NAV1: variants seen among roughly 807,000 people sequenced by gnomAD.
NAV1 encodes neuron navigator 1.
In NAV1, 18 loss-of-function variants were observed where a neutral mutation model predicts 175.2. The ratio of observed to expected loss-of-function variants is 0.10; its 90% confidence interval spans 0.07 to 0.15. The LOEUF (loss-of-function observed/expected upper bound fraction) is 0.15, where lower values mean the gene tolerates loss of function less well. Among genes scored for constraint, NAV1 ranks in the 10% least tolerant of loss-of-function variants. The pLI is 1.00. For missense variants in NAV1, 1,731 were observed against 2,436.6 expected, an observed-to-expected ratio of 0.71 and a Z score of 6.10; for synonymous variants, 897 against 978.7, an observed-to-expected ratio of 0.92 and a Z score of 1.56.
chr1:201,823,392 G>GTC (rs1170967543), exon 30 of NAV1: 2 of 151,592 alleles, frequency 1.3e-5, no homozygotes, highest in Admixed American at 1.3e-4. Context: ...GTGTGTGTGT[G>GTC]TCTCCCTCTC....
At chr1:201,758,331 A>C (rs1297044389) in intron 3 of NAV1, among the ~76,000 whole-genome samples, 2 of 152,170 alleles carry the variant, frequency 1.3e-5, no homozygotes. Flanking sequence ...TTTGGTGGTG[A>C]TCATATTTAA....
At chr1:201,671,530 C>T (rs1670045669) in intron 1 of NAV1, among the ~76,000 whole-genome samples, 1 of 152,192 alleles carries the variant, frequency 6.6e-6, no homozygotes, top group South Asian at 2.1e-4. Flanking sequence ...CATTCTACCT[C>T]CTGGGGCCTC....
At chr1:201,686,877 G>A (rs1239336724) in intron 1 of NAV1, among the ~76,000 whole-genome samples, 1 of 152,346 alleles carries the variant, frequency 6.6e-6, no homozygotes, top group East Asian at 1.9e-4. Context: ...ATGACAGGAG[G>A]AGGCTCACTT....
chr1:201,638,268 C>A (rs534926882), intron 2 of NAV1, among the ~76,000 whole-genome samples: 361 of 152,286 alleles, frequency 2.4e-3, no homozygotes, highest in Non-Finnish European at 4.3e-3. Flanking sequence ...AAAAGTGGAC[C>A]AAGACCCCAG....
chr1:201,577,180 GTATTATA>G (rs1239861278), intron 1 of NAV1, among the ~76,000 whole-genome samples: 2 of 152,140 alleles, frequency 1.3e-5, no homozygotes, highest in Non-Finnish European at 2.9e-5. Flanking sequence ...TGCTCTTTCT[GTATTATA>G]AGTGCTGGTT....
At chr1:201,677,735 C>T (rs1363724326) in intron 1 of NAV1, among the ~76,000 whole-genome samples, 1 of 152,228 alleles carries the variant, frequency 6.6e-6, no homozygotes, top group Non-Finnish European at 1.5e-5. Flanking sequence ...ATGGGCGACA[C>T]TCCCACCTCA....
intron 1 of NAV1, among the ~76,000 whole-genome samples, chr1:201,555,922 C>T (rs548472290): frequency 2.0e-5 from 3 of 152,006 alleles, no homozygotes; most frequent in Middle Eastern, 3.4e-3. Context: ...TGAGGTCGGC[C>T]TATCTGGAAC....
chr1:201,779,716 G>A (rs1337116365), intron 3 of NAV1, among the ~76,000 whole-genome samples: 4 of 151,714 alleles, frequency 2.6e-5, no homozygotes, highest in Non-Finnish European at 5.9e-5. Context: ...TTTGGATACA[G>A]ATGTTTACAG....
intron 2 of NAV1, among the ~76,000 whole-genome samples, chr1:201,602,313 G>A (rs370647346): frequency 5.3e-5 from 8 of 152,168 alleles, no homozygotes; most frequent in Non-Finnish European, 8.8e-5. Flanking sequence ...GTTGCAATTC[G>A]GTTCTTCTCT....
chr1:201,627,974 A>G (rs537944997), intron 1 of NAV1, among the ~76,000 whole-genome samples: 2 of 151,738 alleles, frequency 1.3e-5, no homozygotes, highest in East Asian at 3.9e-4. Context: ...CCCCATCTCT[A>G]CAAAAAATAT....
At chr1:201,685,727 A>C (rs1330272467) in intron 1 of NAV1, among the ~76,000 whole-genome samples, 3 of 152,184 alleles carry the variant, frequency 2.0e-5, no homozygotes, top group Admixed American at 2.0e-4. Context: ...CAAGACTTGA[A>C]ATGACTTACA....
At chr1:201,674,231 G>A (rs942017424) in intron 1 of NAV1, 2 of 152,194 alleles carry the variant, frequency 1.3e-5, no homozygotes, top group African/African-American at 2.4e-5. Context: ...TGGCTGATGG[G>A]GACTTGGGTT....
At chr1:201,699,003 T>G (rs570486901) in intron 1 of NAV1, among the ~76,000 whole-genome samples, 1 of 152,298 alleles carries the variant, frequency 6.6e-6, no homozygotes, top group South Asian at 2.1e-4. Context: ...GGCAAACACT[T>G]TATAGAAGAA....
chr1:201,602,130 A>C (rs554084038), intron 2 of NAV1, among the ~76,000 whole-genome samples: 1 of 152,160 alleles, frequency 6.6e-6, no homozygotes, highest in East Asian at 1.9e-4. Context: ...AGAACATGCC[A>C]CCAGCATCAG....
chr1:201,635,756 A>C (rs1468386474), intron 2 of NAV1, among the ~76,000 whole-genome samples: 3 of 152,168 alleles, frequency 2.0e-5, no homozygotes, highest in Non-Finnish European at 4.4e-5. Context: ...GCAGATTTTT[A>C]GAGACTCCAC....
At chr1:201,744,831 G>A (rs761890678) in intron 3 of NAV1, among the ~76,000 whole-genome samples, 5 of 152,180 alleles carry the variant, frequency 3.3e-5, no homozygotes, top group Non-Finnish European at 5.9e-5. Context: ...CATCATCACT[G>A]TGCCTTCATC....
At chr1:201,573,752 A>G (rs1666614084) in intron 1 of NAV1, among the ~76,000 whole-genome samples, 1 of 152,192 alleles carries the variant, frequency 6.6e-6, no homozygotes, top group Non-Finnish European at 1.5e-5. Context: ...GTTTGGGGTC[A>G]TGGACCCTTT....
At chr1:201,648,656 C>T (rs1413892712) in exon 1 of NAV1, 3 of 1,385,042 alleles carry the variant, frequency 2.2e-6, no homozygotes, top group Non-Finnish European at 2.8e-6. Context: ...TCCATGCGCT[C>T]CTCGCGGGCA....
At chr1:201,770,074 T>C (rs576266820) in intron 3 of NAV1, among the ~76,000 whole-genome samples, 1 of 152,388 alleles carries the variant, frequency 6.6e-6, no homozygotes, top group Admixed American at 6.5e-5. Context: ...GCAGGCTCCC[T>C]TGGCTATTCA....
Sources: gnomAD v4.1 joint callset for allele counts (sites outside exome capture counted in the v4.1 genomes callset) on GRCh38, gnomAD v4.1.1 for gene constraint, MANE v1.5 for transcripts, NCBI Gene and HGNC (gene_info 2026-07-23, HGNC 2026-07-21) for gene names.